Variants in STRBP observed in about 807,000 individuals in gnomAD.
STRBP encodes the protein spermatid perinuclear RNA binding protein, also known as spermatid perinuclear RNA-binding protein.
Under a neutral mutation model 80.1 loss-of-function variants are expected in STRBP, and 13 were observed. The observed-to-expected ratio is 0.16, with a 90% CI of 0.11 to 0.26. STRBP has a LOEUF of 0.26. Among genes scored for constraint, STRBP ranks in the 10% least tolerant of loss-of-function variants. The pLI, the probability that STRBP is intolerant of heterozygous loss-of-function variation, is 1.00. For synonymous variants in STRBP, 284 were observed against 291.2 expected (o/e 0.98, Z 0.25); for missense variants, 485 against 815.2 (o/e 0.59, Z 4.93).
intron 2 of STRBP, among the ~76,000 whole-genome samples, chr9:123,223,616 C>A (rs559446102): frequency 6.6e-6 from 1 of 151,980 alleles, no homozygotes; most frequent in Non-Finnish European, 1.5e-5. Context: ...CAGGTAATAT[C>A]TAGACATTAT....
chr9:123,232,676 GC>G (rs2040431537), intron 2 of STRBP, among the ~76,000 whole-genome samples: 1 of 152,182 alleles, frequency 6.6e-6, no homozygotes, highest in Non-Finnish European at 1.5e-5. Context: ...TCTACGGACA[GC>G]CATGTTCTAC....
intron 1 of STRBP, among the ~76,000 whole-genome samples, chr9:123,242,261 A>C (rs181582455): frequency 1.4e-3 from 215 of 152,326 alleles, no homozygotes; most frequent in African/African-American, 4.5e-3. Flanking sequence ...TCTTCATTAG[A>C]ATGTAAGGTC....
intron 1 of STRBP, among the ~76,000 whole-genome samples, chr9:123,247,801 C>T (rs1207548758): frequency 6.6e-6 from 1 of 152,118 alleles, no homozygotes; most frequent in East Asian, 1.9e-4. Flanking sequence ...TCAGAATCTC[C>T]ACACGGATGG....
At chr9:123,137,391 T>A (rs2036401397) in intron 14 of STRBP, among the ~76,000 whole-genome samples, 1 of 151,896 alleles carries the variant, frequency 6.6e-6, no homozygotes, top group South Asian at 2.1e-4. Flanking sequence ...CCAAAAGTGT[T>A]AATTTTGTTT....
At chr9:123,247,114 A>G (rs2040815122) in intron 1 of STRBP, among the ~76,000 whole-genome samples, 1 of 152,194 alleles carries the variant, frequency 6.6e-6, no homozygotes, top group Non-Finnish European at 1.5e-5. Flanking sequence ...ATTTATTATA[A>G]AAGGGGAGAA....
chr9:123,173,902 C>A (rs2038111343), intron 4 of STRBP, 60 bp from the exon 5 acceptor site: 2 of 1,517,440 alleles, frequency 1.3e-6, no homozygotes, highest in African/African-American at 2.8e-5. Flanking sequence ...ATAACTTAAT[C>A]ATCACTTGGC....
chr9:123,116,337 T>C (rs1345700148), intron 2 of STRBP, among the ~76,000 whole-genome samples: 1 of 152,148 alleles, frequency 6.6e-6, no homozygotes, highest in Non-Finnish European at 1.5e-5. Flanking sequence ...CTGTCCTCCT[T>C]CCCACCCCTG....
intron 6 of STRBP, chr9:123,168,202 T>C (rs760896032): frequency 2.5e-5 from 25 of 982,388 alleles, no homozygotes; most frequent in Non-Finnish European, 3.0e-5. Context: ...AATTAACATT[T>C]ATCTTGACAC....
In STRBP at chr9:123,252,992, G is replaced by T. The variant is rs533277793; in HGVS notation, c.-302+15444C>A. The stretch of plus-strand genomic sequence containing the variant: ...CAAACTTTAAAAAAGCTAAAATAAA[G>T]TTTTTTAATAGGGGCAAAAATGTAA... On this transcript the variant is annotated intron_variant, in intron 1 of 18. Transcript: ENST00000348403. Among the ~76,000 whole-genome samples the T allele has an allele frequency of 5.3e-5, 8 of 152,230 alleles. No homozygotes were observed. In the East Asian group the frequency reaches 1.5e-3, roughly 29 times the overall value.
At chr9:123,261,269 T>C (rs996850213) in intron 1 of STRBP, among the ~76,000 whole-genome samples, 51 of 152,190 alleles carry the variant, frequency 3.4e-4, no homozygotes, top group African/African-American at 6.0e-4. Flanking sequence ...ATGAAAAGAC[T>C]TGTGTACTCA....
intron 11 of STRBP, among the ~76,000 whole-genome samples, chr9:123,155,128 C>T (rs803738): frequency 0.98 from 149,079 of 152,320 alleles, 73,035 homozygotes; most frequent in East Asian, 1. Flanking sequence ...AAAGCAAAGA[C>T]ACGAGTTGAT....
At chr9:123,245,689 C>A (rs1260804079) in intron 1 of STRBP, among the ~76,000 whole-genome samples, 1 of 152,196 alleles carries the variant, frequency 6.6e-6, no homozygotes, top group Non-Finnish European at 1.5e-5. Flanking sequence ...CCTCAAGCAT[C>A]TGTATTTCTT....
Position 123,124,287 on chromosome 9 carries a change from C to A in STRBP, c.*1310G>T. On this transcript the variant is annotated 3_prime_UTR_variant, in exon 19 of 19. Transcript: ENST00000348403. The stretch of plus-strand genomic sequence containing the variant: ...GTGCCTTATAAATATTGACAGGGGA[C>A]CACACTGCTGCTCCTTCATGGGGGT... 3.0e-6 allele frequency: 3 copies of A among 985,358 alleles called. No homozygotes were observed. The highest frequency in any genetic ancestry group is 3.6e-6 in the Non-Finnish European group (3 of 829,926). The allele number at this position is 985,358 out of a possible 1,614,324, so 61.0% of individuals were successfully genotyped here.
chr9:123,119,729 A>G (rs1204181623), downstream of STRBP, among the ~76,000 whole-genome samples: 4 of 152,028 alleles, frequency 2.6e-5, no homozygotes, highest in Non-Finnish European at 5.9e-5. Flanking sequence ...AGAACACTCA[A>G]CATTCACTGA....
intron 11 of STRBP, among the ~76,000 whole-genome samples, chr9:123,157,217 T>C (rs2037326924): frequency 6.6e-6 from 1 of 152,220 alleles, no homozygotes; most frequent in African/African-American, 2.4e-5. Flanking sequence ...AATTTTCCAA[T>C]ATGCTTTTCT....
At chr9:123,227,567 C>CTTT (rs113678606) in intron 2 of STRBP, among the ~76,000 whole-genome samples, 16 of 113,446 alleles carry the variant, frequency 1.4e-4, no homozygotes, top group African/African-American at 2.0e-4. Flanking sequence ...TTTTTTTTTT[C>CTTT]TTTTTTTTTT....
chr9:123,234,125 C>T (rs2040478172), intron 2 of STRBP, among the ~76,000 whole-genome samples: 2 of 149,376 alleles, frequency 1.3e-5, no homozygotes. Context: ...GGCATGAACC[C>T]GGGAGGCAGA....
At chr9:123,268,061 C>T (rs1396506052) in intron 1 of STRBP, among the ~76,000 whole-genome samples, 1 of 151,346 alleles carries the variant, frequency 6.6e-6, no homozygotes, top group South Asian at 2.1e-4. Context: ...CCAATGTCCT[C>T]CAACACCTGC....
chr9:123,175,061 C>A (rs1389810885), intron 4 of STRBP, among the ~76,000 whole-genome samples: 4 of 152,154 alleles, frequency 2.6e-5, no homozygotes, highest in Non-Finnish European at 5.9e-5. Flanking sequence ...TGAGCACAAA[C>A]AGGTGTCACA....
Sources: gnomAD v4.1 joint callset for allele counts (sites outside exome capture counted in the v4.1 genomes callset) on GRCh38, gnomAD v4.1.1 for gene constraint, MANE v1.5 for transcripts, NCBI Gene and HGNC (gene_info 2026-07-23, HGNC 2026-07-21) for gene names.